Variants in ARHGEF26 observed in about 807,000 individuals in gnomAD.
The protein encoded by ARHGEF26 is Rho guanine nucleotide exchange factor 26.
ARHGEF26 carries 59 observed loss-of-function variants against 89.4 expected under a neutral mutation model. The ratio of observed to expected loss-of-function variants is 0.66; its 90% CI spans 0.54 to 0.82. The LOEUF (loss-of-function observed/expected upper bound fraction) is 0.82. ARHGEF26 is among the 40% of genes least tolerant of loss of function. The pLI is 0.00. For missense variants in ARHGEF26, 1,234 were observed against 1,085.6 expected (o/e 1.14, Z -1.92); for synonymous variants, 500 against 428.4 (o/e 1.17, Z -2.06).
intron 6 of ARHGEF26, among the ~76,000 whole-genome samples, chr3:154,171,295 C>T (rs908254387): frequency 2.0e-5 from 3 of 152,154 alleles, no homozygotes; most frequent in Admixed American, 2.0e-4. Context: ...CCCCACACAG[C>T]TTCTACCCTA....
chr3:154,123,736 T>C (rs1718147503), intron 2 of ARHGEF26, among the ~76,000 whole-genome samples: 1 of 152,234 alleles, frequency 6.6e-6, no homozygotes. Context: ...ATGTAACAGA[T>C]TGGCAGCTGA....
intron 5 of ARHGEF26, among the ~76,000 whole-genome samples, chr3:154,150,993 T>A (rs1719986860): frequency 6.6e-6 from 1 of 152,190 alleles, no homozygotes; most frequent in African/African-American, 2.4e-5. Flanking sequence ...TTATAAATAG[T>A]TCATTAAGTC....
At chr3:154,193,797 A>G (rs533999670) in intron 8 of ARHGEF26, among the ~76,000 whole-genome samples, 1 of 152,148 alleles carries the variant, frequency 6.6e-6, no homozygotes, top group Admixed American at 6.6e-5. Context: ...TAAATATATC[A>G]ACAGAAAACC....
At chr3:154,177,698 C>T (rs1369400870) in intron 6 of ARHGEF26, among the ~76,000 whole-genome samples, 1 of 152,124 alleles carries the variant, frequency 6.6e-6, no homozygotes, top group East Asian at 1.9e-4. Context: ...ATAACTGGGC[C>T]CTGGGCCTCC....
Position 154,256,944 on chromosome 3 carries a change from A to AT in ARHGEF26, c.*1476dup. On this transcript the variant is annotated 3_prime_UTR_variant, in exon 15 of 15. Coordinates refer to ENST00000465093, the MANE Select transcript of ARHGEF26 (RefSeq NM_015595.4). ...ATGGGAGATTAAGAGGGGGGAAATG[A>AT]TTTTTACTGGCAGCTATATTCCCTC... 6.5e-7 allele frequency: 1 copy of AT among 1,533,706 alleles called. No individual in the cohort carries two copies.
intron 14 of ARHGEF26, 25 bp downstream of exon 14, chr3:154,254,849 C>T: frequency 6.3e-7 from 1 of 1,596,048 alleles, no homozygotes; most frequent in Non-Finnish European, 8.6e-7. Flanking sequence ...TCTTATGGGA[C>T]ACTCGTGGTC....
At chr3:154,195,634 A>G (rs764018259) in intron 9 of ARHGEF26, among the ~76,000 whole-genome samples, 1 of 152,186 alleles carries the variant, frequency 6.6e-6, no homozygotes, top group Non-Finnish European at 1.5e-5. Flanking sequence ...CTCTTCCTTC[A>G]TCTACGATAG....
chr3:154,132,565 G>A (rs1052300575), intron 4 of ARHGEF26, among the ~76,000 whole-genome samples: 1 of 152,082 alleles, frequency 6.6e-6, no homozygotes, highest in Non-Finnish European at 1.5e-5. Flanking sequence ...CCTAACGAGC[G>A]GAGGCTTCGT....
chr3:154,138,141 C>T (rs1240575422), intron 4 of ARHGEF26, among the ~76,000 whole-genome samples: 2 of 152,114 alleles, frequency 1.3e-5, no homozygotes, highest in African/African-American at 4.8e-5. Flanking sequence ...ATGCATTTAG[C>T]CATCTTTACT....
rs141828296 is a variant in ARHGEF26, at chr3:154,160,668, C to CATTG, written c.1487+7753_1487+7756dup. 3.2e-4 allele frequency among the ~76,000 whole-genome samples: 48 copies of CATTG among 152,102 alleles called. No homozygotes were observed. The East Asian group carries it at 5.0e-3, about 16-fold the overall frequency. ...ATCCCAGAACCTCTGAAAGGTGGTG[C>CATTG]ATTGATTGATTGATTGATTGGTTCT... is the stretch of plus-strand genomic sequence containing the variant. On this transcript the variant is annotated intron_variant, in intron 6 of 14. Coordinates refer to ENST00000465093, the MANE Select transcript of ARHGEF26 (RefSeq NM_015595.4).
chr3:154,172,523 A>G (rs1306225931), intron 6 of ARHGEF26, among the ~76,000 whole-genome samples: 1 of 152,150 alleles, frequency 6.6e-6, no homozygotes, highest in Non-Finnish European at 1.5e-5. Flanking sequence ...GGCAAACCCC[A>G]TCTTTACTAA....
At chr3:154,178,002 G>A (rs1411385670) in intron 6 of ARHGEF26, among the ~76,000 whole-genome samples, 4 of 152,028 alleles carry the variant, frequency 2.6e-5, no homozygotes, top group Admixed American at 6.6e-5. Flanking sequence ...TGTGGAGTTC[G>A]AGACCAGCCT....
In ARHGEF26 at chr3:154,187,668, T is replaced by TC; in HGVS notation, c.1488-14dup. On this transcript the variant is annotated splice_polypyrimidine_tract_variant and intron_variant, in intron 6 of 14. Transcript: ENST00000465093. Reference sequence around the variant, plus strand: ...TATGAAAGAAGTGTTAATTTTTTTTTCCCTTTGGTTTTTCAGGTTCTTTAT... The same window carrying TC: ...TATGAAAGAAGTGTTAATTTTTTTTTCCCCTTTGGTTTTTCAGGTTCTTTAT... 6 of 1,583,012 alleles carry TC rather than the reference T, an allele frequency of 3.8e-6. No individual in the cohort carries two copies. Among genetic ancestry groups the TC allele is most frequent in the Non-Finnish European group, 5.2e-6 (6 of 1,163,404 alleles).
At chr3:154,173,332 A>G (rs1345825274) in intron 6 of ARHGEF26, among the ~76,000 whole-genome samples, 2 of 152,088 alleles carry the variant, frequency 1.3e-5, no homozygotes, top group African/African-American at 2.4e-5. Flanking sequence ...TATGAATGTA[A>G]GTTGGTAAGA....
At chr3:154,137,827 AAGAAGAAGAG>A (rs1560046356) in intron 4 of ARHGEF26, among the ~76,000 whole-genome samples, 1 of 143,438 alleles carries the variant, frequency 7.0e-6, no homozygotes, top group African/African-American at 2.6e-5. Context: ...AAAAAAAAAA[AAGAAGAAGAG>A]AAGAAGAAGA....
chr3:154,169,853 C>G (rs1712305331), intron 6 of ARHGEF26, among the ~76,000 whole-genome samples: 1 of 152,150 alleles, frequency 6.6e-6, no homozygotes. Context: ...TGACCAGAGG[C>G]TTGTAGGAAC....
intron 10 of ARHGEF26, 65 bp from the exon 11 acceptor site, chr3:154,225,791 T>C: frequency 6.6e-7 from 1 of 1,512,742 alleles, no homozygotes; most frequent in Non-Finnish European, 8.8e-7. Context: ...TTTTAGCTTT[T>C]ACTTTCAGTA....
At position 154,205,068 on chromosome 3, in the gene ARHGEF26, G is replaced by A. The variant is rs1714929163; in HGVS notation, c.1845+10350G>A. On this transcript the variant is annotated intron_variant, in intron 9 of 14. Transcript: ENST00000465093. ...TCTGATGTTTCTTTGTTGATTTTCT[G>A]TCTGGAAGATCTGCCCAGTGCTGAA... is the stretch of plus-strand genomic sequence containing the variant. Among the ~76,000 whole-genome samples the A allele has an allele frequency of 2.0e-5, 3 of 152,244 alleles. No homozygotes were observed. The South Asian group carries it at 6.2e-4, about 32-fold the overall frequency.
intron 10 of ARHGEF26, 35 bp downstream of exon 10, chr3:154,217,993 T>A (rs568978853): frequency 7.9e-6 from 12 of 1,519,672 alleles, no homozygotes; most frequent in South Asian, 1.2e-5. Context: ...TGTTCTTGCC[T>A]ATGTTTTTCT....
Sources: allele counts gnomAD v4.1 joint callset (sites outside exome capture counted in the v4.1 genomes callset), GRCh38; gene constraint gnomAD v4.1.1; transcripts MANE v1.5; gene names NCBI Gene and HGNC (gene_info 2026-07-23, HGNC 2026-07-21).